Variants in LRMDA observed in about 807,000 individuals in gnomAD.
The protein encoded by LRMDA is leucine rich melanocyte differentiation associated.
A neutral mutation model predicts 29.8 loss-of-function variants in LRMDA; 18 were observed. The ratio of observed to expected loss-of-function variants is 0.60; its 90% CI spans 0.42 to 0.90. The LOEUF is 0.90. LRMDA is among the 40% of genes least tolerant of loss of function. The pLI, the probability that LRMDA is intolerant of heterozygous loss-of-function variation, is 0.00. For missense variants in LRMDA, 273 were observed against 273.9 expected (o/e 1.00, Z 0.02); for synonymous variants, 125 against 109.4 (o/e 1.14, Z -0.89).
intron 2 of LRMDA, among the ~76,000 whole-genome samples, chr10:75,700,308 G>A (rs1842289424): frequency 6.8e-6 from 1 of 147,554 alleles, no homozygotes; most frequent in Non-Finnish European, 1.5e-5. Context: ...AAATAATGAA[G>A]CATCATTATA....
At chr10:75,717,585 G>T (rs1439515465) in intron 2 of LRMDA, among the ~76,000 whole-genome samples, 1 of 152,194 alleles carries the variant, frequency 6.6e-6, no homozygotes, top group Non-Finnish European at 1.5e-5. Context: ...TGTGACATCT[G>T]TGGGCCAGGA....
intron 6 of LRMDA, among the ~76,000 whole-genome samples, chr10:76,384,492 A>C (rs1432435770): frequency 1.3e-5 from 2 of 152,184 alleles, no homozygotes; most frequent in Non-Finnish European, 2.9e-5. Context: ...CTAAACTGCT[A>C]TCTTTCTGCT....
intron 2 of LRMDA, among the ~76,000 whole-genome samples, chr10:75,512,909 T>C (rs1377298441): frequency 6.6e-6 from 1 of 152,164 alleles, no homozygotes; most frequent in African/African-American, 2.4e-5. Context: ...ATTTGACAGA[T>C]GGTTTGCAGC....
At chr10:76,004,511 C>T (rs1186405395) in intron 2 of LRMDA, among the ~76,000 whole-genome samples, 113 of 152,258 alleles carry the variant, frequency 7.4e-4, no homozygotes, top group Non-Finnish European at 2.5e-4. Flanking sequence ...TTCAGAAAGA[C>T]CTGGGGAAAC....
At chr10:75,738,978 A>C (rs76240776) in intron 2 of LRMDA, among the ~76,000 whole-genome samples, 1 of 152,214 alleles carries the variant, frequency 6.6e-6, no homozygotes, top group African/African-American at 2.4e-5. Context: ...TTGCTGAGGT[A>C]GCACCTGGCT....
chr10:76,407,910 A>T (rs2132504531), intron 6 of LRMDA, among the ~76,000 whole-genome samples: 1 of 152,374 alleles, frequency 6.6e-6, no homozygotes, highest in East Asian at 1.9e-4. Context: ...ATAGAGTTTT[A>T]GATTATCAGA....
At chr10:75,599,139 T>C (rs1332344539) in intron 2 of LRMDA, among the ~76,000 whole-genome samples, 1 of 147,092 alleles carries the variant, frequency 6.8e-6, no homozygotes, top group African/African-American at 2.7e-5. Flanking sequence ...CATTACCGGC[T>C]GGCGTTCACG....
At chr10:75,824,179 G>C (rs748688169) in intron 2 of LRMDA, among the ~76,000 whole-genome samples, 4 of 152,084 alleles carry the variant, frequency 2.6e-5, no homozygotes, top group Non-Finnish European at 5.9e-5. Flanking sequence ...CATGTTGATT[G>C]TATTTGGGAC....
chr10:76,205,715 A>G (rs972033909), intron 5 of LRMDA, among the ~76,000 whole-genome samples: 40 of 152,136 alleles, frequency 2.6e-4, no homozygotes, highest in African/African-American at 9.7e-4. Context: ...AATTGTCAGT[A>G]TGCTCTAGAT....
intron 2 of LRMDA, among the ~76,000 whole-genome samples, chr10:75,732,377 C>T (rs1842710378): frequency 6.6e-6 from 1 of 152,158 alleles, no homozygotes; most frequent in South Asian, 2.1e-4. Flanking sequence ...GATTCTTGGG[C>T]AAGAGTACAA....
At chr10:76,061,371 G>A (rs980069492) in intron 5 of LRMDA, among the ~76,000 whole-genome samples, 2 of 152,164 alleles carry the variant, frequency 1.3e-5, no homozygotes, top group African/African-American at 2.4e-5. Context: ...CCTACTTGAG[G>A]CTGAAGATTG....
intron 5 of LRMDA, among the ~76,000 whole-genome samples, chr10:76,199,877 CTCTT>C (rs1027311677): frequency 3.5e-4 from 53 of 152,272 alleles, no homozygotes; most frequent in African/African-American, 1.1e-3. Context: ...ACATTGAAAC[CTCTT>C]TCTTTCTGAT....
chr10:76,182,830 C>T (rs1851078855), intron 5 of LRMDA, among the ~76,000 whole-genome samples: 1 of 152,140 alleles, frequency 6.6e-6, no homozygotes, highest in Admixed American at 6.5e-5. Context: ...CTGGACAAGA[C>T]AGACTGGCAG....
intron 5 of LRMDA, among the ~76,000 whole-genome samples, chr10:76,062,098 C>T (rs1848710209): frequency 6.6e-6 from 1 of 152,132 alleles, no homozygotes; most frequent in African/African-American, 2.4e-5. Context: ...TTCTAAGTGG[C>T]AAGCAATTTC....
At chr10:75,841,637 A>G (rs1323241460) in intron 2 of LRMDA, among the ~76,000 whole-genome samples, 2 of 152,206 alleles carry the variant, frequency 1.3e-5, no homozygotes, top group African/African-American at 4.8e-5. Flanking sequence ...CCTGGTGATG[A>G]CAGTTCAGCT....
intron 2 of LRMDA, among the ~76,000 whole-genome samples, chr10:75,573,380 A>G (rs1191465461): frequency 6.6e-6 from 1 of 151,848 alleles, no homozygotes; most frequent in Non-Finnish European, 1.5e-5. Flanking sequence ...TTATTGTCAT[A>G]TTCTATTTCT....
At chr10:75,728,831 G>A (rs1166840513) in intron 2 of LRMDA, among the ~76,000 whole-genome samples, 1 of 151,908 alleles carries the variant, frequency 6.6e-6, no homozygotes, top group Non-Finnish European at 1.5e-5. Flanking sequence ...TATACTTTTG[G>A]GTAGATGGAT....
chr10:75,446,781 A>G (rs902998170), intron 2 of LRMDA, among the ~76,000 whole-genome samples: 25 of 152,212 alleles, frequency 1.6e-4, no homozygotes, highest in Admixed American at 6.5e-5. Flanking sequence ...CACCTCATAT[A>G]TATTTTTTAT....
intron 2 of LRMDA, among the ~76,000 whole-genome samples, chr10:75,469,587 CGT>C (rs59056579): frequency 0.012 from 1,870 of 150,864 alleles, 13 homozygotes; most frequent in Non-Finnish European, 0.019. Flanking sequence ...AGTGTATGTG[CGT>C]GTGTGTGTGT....
Sources: gnomAD v4.1 joint callset for allele counts (sites outside exome capture counted in the v4.1 genomes callset) on GRCh38, gnomAD v4.1.1 for gene constraint, MANE v1.5 for transcripts, NCBI Gene and HGNC (gene_info 2026-07-23, HGNC 2026-07-21) for gene names.